CHID1: variants seen among roughly 807,000 people sequenced by gnomAD.
CHID1 encodes chitinase domain-containing protein 1.
CHID1 carries 44 observed loss-of-function variants against 55.4 expected under a neutral mutation model. The observed-to-expected ratio is 0.79, with a 90% confidence interval of 0.62 to 1.02. The LOEUF is 1.02. Among genes scored for constraint, CHID1 ranks in the 50% least tolerant of loss-of-function variants. CHID1 has a pLI of 0.00. For missense variants in CHID1, 491 were observed against 515.3 expected, an observed-to-expected ratio of 0.95 and a Z score of 0.46; for synonymous variants, 216 against 212.9, an observed-to-expected ratio of 1.01 and a Z score of -0.13.
At chr11:901,026 C>T (rs1851771919) in intron 4 of CHID1, 46 bp from the exon 5 acceptor site, 1 of 1,543,114 alleles carries the variant, frequency 6.5e-7, no homozygotes, top group African/African-American at 1.4e-5. Flanking sequence ...GTGCGCCCAA[C>T]TGGAAGACCC....
intron 10 of CHID1, among the ~76,000 whole-genome samples, chr11:871,619 T>C (rs1352785580): frequency 1.9e-4 from 2 of 10,762 alleles, no homozygotes; most frequent in South Asian, 3.0e-3. Context: ...GTGAGGACAG[T>C]GCCCCCCACG....
chr11:914,837 G>C (rs1387490525), upstream of CHID1: 1 of 332,268 alleles, frequency 3.0e-6, no homozygotes, highest in Non-Finnish European at 5.9e-6. Flanking sequence ...GTGGGGTCGC[G>C]GCGGCTCTGG....
At chr11:881,982 C>T (rs1006236490) in intron 10 of CHID1, among the ~76,000 whole-genome samples, 9 of 139,166 alleles carry the variant, frequency 6.5e-5, no homozygotes, top group African/African-American at 8.2e-5. Flanking sequence ...GCAGCCTGGA[C>T]GACAGGGTGA....
chr11:891,198 C>T (rs781507603), intron 8 of CHID1, among the ~76,000 whole-genome samples: 23 of 152,138 alleles, frequency 1.5e-4, no homozygotes, highest in Admixed American at 7.2e-4. Flanking sequence ...CCGGCCCCGC[C>T]GACTGGGAGG....
At chr11:900,850 AG>A in intron 5 of CHID1, 85 bp downstream of exon 5, 2 of 1,124,078 alleles carry the variant, frequency 1.8e-6, no homozygotes, top group South Asian at 2.9e-5. Flanking sequence ...CCGGGTGATC[AG>A]GAACACGTGG....
chr11:876,624 T>C (rs12422106), intron 10 of CHID1, among the ~76,000 whole-genome samples: 83,448 of 152,090 alleles, frequency 0.55, 23,491 homozygotes, highest in South Asian at 0.77. Flanking sequence ...GCCAGTGTCC[T>C]CCTTGGACTA....
At chr11:900,870 G>T (rs1245122598) in intron 5 of CHID1, 66 bp downstream of exon 5, 3 of 1,390,706 alleles carry the variant, frequency 2.2e-6, no homozygotes, top group African/African-American at 1.5e-5. Context: ...GGAGACCCCA[G>T]TGCCCACCTG....
At chr11:870,526 G>C in intron 10 of CHID1, 27 bp from the exon 11 acceptor site, 1 of 1,542,902 alleles carries the variant, frequency 6.5e-7, no homozygotes. Context: ...ATGGATTTGG[G>C]AGCCCACCCA....
intron 6 of CHID1, 106 bp downstream of exon 6, chr11:899,898 C>T (rs1851676069): frequency 2.7e-6 from 2 of 744,394 alleles, no homozygotes; most frequent in Admixed American, 2.1e-5. Flanking sequence ...GTGCCCAGGG[C>T]AGAAGACAGA....
intron 10 of CHID1, among the ~76,000 whole-genome samples, chr11:878,992 G>A (rs1023692447): frequency 1.4e-4 from 22 of 152,066 alleles, no homozygotes; most frequent in African/African-American, 5.3e-4. Context: ...GACTACAGGT[G>A]CCCTCCACCA....
At chr11:912,823 GT>G (rs1852773813), upstream of CHID1, among the ~76,000 whole-genome samples, 1 of 139,118 alleles carries the variant, frequency 7.2e-6, no homozygotes, top group African/African-American at 2.7e-5. Flanking sequence ...GGGCGACAGA[GT>G]GAGACTCTGC....
intron 8 of CHID1, among the ~76,000 whole-genome samples, chr11:891,734 T>C (rs962920843): frequency 5.3e-5 from 8 of 152,218 alleles, no homozygotes; most frequent in African/African-American, 1.9e-4. Context: ...CCCAACCACC[T>C]GAGACAGGTG....
At chr11:898,709 T>C (rs1851574642) in intron 7 of CHID1, among the ~76,000 whole-genome samples, 2 of 152,180 alleles carry the variant, frequency 1.3e-5, no homozygotes, top group South Asian at 2.1e-4. Flanking sequence ...GGGGGAGCCA[T>C]GGCACTTCCT....
chr11:895,678 G>A (rs922253959), intron 7 of CHID1, among the ~76,000 whole-genome samples: 1 of 152,130 alleles, frequency 6.6e-6, no homozygotes, highest in Non-Finnish European at 1.5e-5. Flanking sequence ...CTGCCCCTGA[G>A]CCTCTGTCCA....
At chr11:898,121 T>G (rs1429917698) in intron 7 of CHID1, among the ~76,000 whole-genome samples, 1 of 152,184 alleles carries the variant, frequency 6.6e-6, no homozygotes, top group African/African-American at 2.4e-5. Flanking sequence ...TCTGAGCCCC[T>G]GGGCAGGAAT....
chr11:897,056 T>C (rs1460870642), intron 7 of CHID1, among the ~76,000 whole-genome samples: 4 of 91,214 alleles, frequency 4.4e-5, no homozygotes, highest in South Asian at 4.2e-4. Context: ...TCTCAGCACC[T>C]GCAGCCTCCA....
At chr11:899,297 G>A (rs756468430) in intron 7 of CHID1, 43 bp downstream of exon 7, 3 of 1,560,774 alleles carry the variant, frequency 1.9e-6, no homozygotes, top group Non-Finnish European at 1.7e-6. Flanking sequence ...TCAAACACCA[G>A]GGCCAGGAGG....
At chr11:887,912 C>T (rs916393647) in intron 8 of CHID1, among the ~76,000 whole-genome samples, 4 of 152,238 alleles carry the variant, frequency 2.6e-5, no homozygotes, top group African/African-American at 7.2e-5. Flanking sequence ...GGTGAGGCCA[C>T]GTGTCCAGGA....
intron 3 of CHID1, 68 bp from the exon 4 acceptor site, chr11:902,398 A>G: frequency 6.4e-7 from 1 of 1,569,448 alleles, no homozygotes; most frequent in Non-Finnish European, 8.7e-7. Flanking sequence ...TGGTGCTGTC[A>G]TTCTGGCGCC....
Sources: gnomAD v4.1 joint callset for allele counts (sites outside exome capture counted in the v4.1 genomes callset) on GRCh38, gnomAD v4.1.1 for gene constraint, MANE v1.5 for transcripts, NCBI Gene and HGNC (gene_info 2026-07-23, HGNC 2026-07-21) for gene names.